Variants in ZNF282 observed in about 807,000 individuals in gnomAD.
The protein encoded by ZNF282 is zinc finger protein 282.
ZNF282 carries 30 observed loss-of-function variants against 61.9 expected under a neutral mutation model. The ratio of observed to expected loss-of-function variants is 0.48; its 90% CI spans 0.36 to 0.66. The LOEUF (loss-of-function observed/expected upper bound fraction) is 0.66. ZNF282 is among the 30% of genes least tolerant of loss of function. The pLI is 0.00. For synonymous variants in ZNF282, 396 were observed against 405.0 expected (o/e 0.98, Z 0.27); for missense variants, 788 against 941.4 (o/e 0.84, Z 2.13).
chr7:149,216,543 A>C (rs1046603173), intron 7 of ZNF282, among the ~76,000 whole-genome samples: 7 of 152,144 alleles, frequency 4.6e-5, no homozygotes, highest in African/African-American at 1.7e-4. Flanking sequence ...CTTTCTCCCA[A>C]AGTGAGCCTG....
At chr7:149,221,611 G>C (rs1162296830) in intron 7 of ZNF282, among the ~76,000 whole-genome samples, 2 of 152,182 alleles carry the variant, frequency 1.3e-5, no homozygotes, top group African/African-American at 4.8e-5. Context: ...AGAGGCCACA[G>C]CGATCTCCCG....
intron 7 of ZNF282, 49 bp from the exon 8 acceptor site, chr7:149,223,763 T>A: frequency 6.9e-7 from 1 of 1,442,384 alleles, no homozygotes; most frequent in Non-Finnish European, 9.0e-7. Context: ...CAGTGTGGGG[T>A]CCTGGCCGAG....
chr7:149,202,104 A>G (rs1795920695), intron 2 of ZNF282, among the ~76,000 whole-genome samples: 1 of 151,514 alleles, frequency 6.6e-6, no homozygotes, highest in African/African-American at 2.4e-5. Context: ...CGAATTTTCT[A>G]CAAAGCACTT....
In ZNF282 at chr7:149,224,512, G is replaced by A. The variant is rs1468993156; in HGVS notation, c.1881G>A (p.Glu627=). The A allele has an allele frequency of 1.2e-6, 2 of 1,612,408 alleles. No individual in the cohort carries two copies. The highest frequency in any genetic ancestry group is 2.7e-5 in the African/African-American group (2 of 74,870). Residue 627 remains glutamate, a synonymous_variant, in exon 8 of 8, where the codon GAG becomes GAA. Coordinates refer to ENST00000610704, the MANE Select transcript of ZNF282 (RefSeq NM_003575.4). ...LLKHQRIHTG[E]RPYTCGECGK... ...AGCACCAGCGCATCCACACGGGCGAGCGCCCCTACACGTGCGGCGAGTGCG... is the reference window on the plus strand; with the variant it reads ...AGCACCAGCGCATCCACACGGGCGAACGCCCCTACACGTGCGGCGAGTGCG...
intron 6 of ZNF282, among the ~76,000 whole-genome samples, 185 bp from the exon 7 acceptor site, chr7:149,213,516 C>T (rs773344675): frequency 3.9e-5 from 6 of 152,060 alleles, no homozygotes; most frequent in Non-Finnish European, 7.4e-5. Flanking sequence ...TGAAATGCAT[C>T]GAGCAGTGAG....
intron 4 of ZNF282, among the ~76,000 whole-genome samples, chr7:149,209,766 G>A (rs1322291104): frequency 6.6e-6 from 1 of 152,066 alleles, no homozygotes; most frequent in East Asian, 1.9e-4. Context: ...TGCAGCAGGG[G>A]GCGCCATCAG....
chr7:149,219,293 G>A (rs68182858), intron 7 of ZNF282, among the ~76,000 whole-genome samples: 21,149 of 152,198 alleles, frequency 0.14, 1,617 homozygotes, highest in African/African-American at 0.21. Context: ...AGGAACCAGG[G>A]ACAAAGGCCA....
intron 2 of ZNF282, among the ~76,000 whole-genome samples, chr7:149,199,673 T>C (rs974574100): frequency 3.3e-5 from 5 of 152,166 alleles, no homozygotes; most frequent in African/African-American, 9.7e-5. Flanking sequence ...TTTCCCCTTC[T>C]CTTTATTATA....
rs1444763043 is a variant in ZNF282 at position 149,224,367 on chromosome 7, G to A, written c.1736G>A (p.Cys579Tyr). ...RGERPYKCSE[C>Y]EKTYSRKEHL... ...GAGCGGCCCTACAAGTGCTCGGAGT[G>A]CGAGAAGACCTACAGCCGTAAGGAG... The change falls in exon 8 of 8, where the codon TGC becomes TAC. Residue 579 changes from cysteine to tyrosine, a missense_variant. Physicochemically the swap from Cys to Tyr is radical, Grantham distance 194. Coordinates refer to ENST00000610704, the MANE Select transcript of ZNF282 (RefSeq NM_003575.4). 1 of 1,613,920 alleles carries A rather than the reference G, an allele frequency of 6.2e-7. No homozygotes were observed. The highest frequency in any genetic ancestry group is 1.7e-5 in the Admixed American group (1 of 60,010).
intron 7 of ZNF282, among the ~76,000 whole-genome samples, chr7:149,217,898 G>A (rs1361963028): frequency 1.3e-5 from 2 of 151,960 alleles, no homozygotes; most frequent in Non-Finnish European, 2.9e-5. Context: ...TGAGGCACCT[G>A]AGCATGTATG....
intron 7 of ZNF282, among the ~76,000 whole-genome samples, chr7:149,218,421 T>C (rs894488276): frequency 6.6e-6 from 1 of 152,172 alleles, no homozygotes; most frequent in Non-Finnish European, 1.5e-5. Context: ...GTAGTACTGT[T>C]TGCTGAAGTG....
chr7:149,206,841 C>T lies in ZNF282; in HGVS notation c.712+19C>T. On this transcript the variant is annotated intron_variant, in intron 3 of 7. Coordinates refer to ENST00000610704, the MANE Select transcript of ZNF282 (RefSeq NM_003575.4). The stretch of plus-strand genomic sequence containing the variant: ...TCCCTGGGTAAGGACACCTTCTCTC[C>T]TCTTTGGTGAGCCATCTCTGCAGAG... 6.2e-7 allele frequency: 1 copy of T among 1,613,558 alleles called. No homozygotes were observed.
At chr7:149,209,518 T>TA (rs1796048760) in intron 4 of ZNF282, among the ~76,000 whole-genome samples, 1 of 152,108 alleles carries the variant, frequency 6.6e-6, no homozygotes. Context: ...CACCTAGTCT[T>TA]ATGGGGTAGA....
chr7:149,219,366 A>C lies in ZNF282; in HGVS notation c.1181-4446A>C, dbSNP rs1011407219. ...AGTTCTAGGGACAGTGTAAACAAAG[A>C]ATTAAAGAGATCTTAGCTCTGAGCA... On this transcript the variant is annotated intron_variant, in intron 7 of 7. Transcript: ENST00000610704. Among the ~76,000 whole-genome samples, 9 of 152,326 alleles carry C rather than the reference A, an allele frequency of 5.9e-5. No individual in the cohort carries two copies. In the East Asian group the frequency reaches 1.5e-3, roughly 26 times the overall value.
intron 2 of ZNF282, among the ~76,000 whole-genome samples, chr7:149,200,502 A>G (rs1054647918): frequency 3.3e-5 from 5 of 152,114 alleles, no homozygotes; most frequent in African/African-American, 1.2e-4. Flanking sequence ...TTTCTAATGC[A>G]TGGAGTGGGC....
At chr7:149,215,184 T>C (rs1796143683) in intron 7 of ZNF282, among the ~76,000 whole-genome samples, 1 of 150,202 alleles carries the variant, frequency 6.7e-6, no homozygotes. Flanking sequence ...TCCCTGTCCA[T>C]ATTTCCTGAC....
Position 149,224,807 on chromosome 7 carries a change from G to C in ZNF282, c.*160G>C, listed in dbSNP as rs1235263641. On this transcript the variant is annotated 3_prime_UTR_variant, in exon 8 of 8. Coordinates refer to ENST00000610704, the MANE Select transcript of ZNF282 (RefSeq NM_003575.4). ...GGTGGGGCAGGGATCCCCCAGATCT[G>C]TCTGGTCTGAATGGACGCCCAGCTC... The C allele has an allele frequency of 7.7e-7, 1 of 1,292,580 alleles. No individual in the cohort carries two copies. The highest frequency in any genetic ancestry group is 2.6e-5 in the East Asian group (1 of 39,010). 80.1% of individuals were successfully genotyped at this position (1,292,580 alleles called of 1,614,324 possible).
At position 149,224,563 on chromosome 7, in the gene ZNF282, G is replaced by T; in HGVS notation, c.1932G>T (p.Ser644=). 1 of 1,605,148 alleles carries T rather than the reference G, an allele frequency of 6.2e-7. No homozygotes were observed. The highest frequency in any genetic ancestry group is 8.5e-7 in the Non-Finnish European group (1 of 1,178,236). ...ECGKSFRYKE[S]LKDHLRVHSG... ...GCAAGAGCTTCCGCTACAAGGAGTCGCTCAAGGACCACCTGCGCGTGCACA... is the reference window on the plus strand; with the variant it reads ...GCAAGAGCTTCCGCTACAAGGAGTCTCTCAAGGACCACCTGCGCGTGCACA... The change falls in exon 8 of 8, where the codon TCG becomes TCT. Residue 644 remains serine (S), a synonymous_variant. Transcript: ENST00000610704.
intron 3 of ZNF282, 148 bp from the exon 4 acceptor site, chr7:149,207,203 G>GGTTCTTC: frequency 1.0e-5 from 10 of 984,160 alleles, no homozygotes; most frequent in Non-Finnish European, 1.4e-5. Context: ...CTCGTTTTCA[G>GGTTCTTC]ATTACCCGCC....
Sources: allele counts gnomAD v4.1 joint callset (sites outside exome capture counted in the v4.1 genomes callset), GRCh38; gene constraint gnomAD v4.1.1; transcripts MANE v1.5; gene names NCBI Gene and HGNC (gene_info 2026-07-23, HGNC 2026-07-21).